ADAM18: variants seen among roughly 807,000 people sequenced by gnomAD.
The protein encoded by ADAM18 is ADAM metallopeptidase domain 18.
ADAM18 carries 117 observed loss-of-function variants against 94.4 expected under a neutral mutation model. The observed-to-expected ratio is 1.24, with a 90% CI of 1.07 to 1.45. The LOEUF (loss-of-function observed/expected upper bound fraction) is 1.45, where lower values mean the gene tolerates loss of function less well. ADAM18 is among the 40% of genes most tolerant of loss of function. ADAM18 has a pLI of 0.00. For synonymous variants in ADAM18, 327 were observed against 291.6 expected (o/e 1.12, Z -1.24); for missense variants, 936 against 880.0 (o/e 1.06, Z -0.81).
chr8:39,686,607 T>C (rs1052609954), intron 16 of ADAM18, among the ~76,000 whole-genome samples: 8 of 152,194 alleles, frequency 5.3e-5, no homozygotes, highest in African/African-American at 1.9e-4. Context: ...GACCACAGCA[T>C]GTTAATATCT....
intron 12 of ADAM18, among the ~76,000 whole-genome samples, chr8:39,650,105 T>G (rs1426263847): frequency 1.3e-5 from 2 of 152,174 alleles, no homozygotes; most frequent in Non-Finnish European, 2.9e-5. Context: ...TTGAACTATA[T>G]GAAAGTTAAA....
intron 2 of ADAM18, among the ~76,000 whole-genome samples, chr8:39,596,263 A>T (rs1818738612): frequency 6.6e-6 from 1 of 152,192 alleles, no homozygotes; most frequent in Non-Finnish European, 1.5e-5. Context: ...ATGTATAATG[A>T]CATGTATCCA....
chr8:39,667,460 A>T lies in ADAM18; in HGVS notation c.1327-538A>T, dbSNP rs577322831. 2.6e-5 allele frequency among the ~76,000 whole-genome samples: 4 copies of T among 151,834 alleles called. No homozygotes were observed. In the East Asian group the frequency reaches 5.8e-4, roughly 22 times the overall value. On this transcript the variant is annotated intron_variant, in intron 13 of 19. Coordinates refer to ENST00000265707, the MANE Select transcript of ADAM18 (RefSeq NM_014237.3). ...GATAGCTATCATATATGCACACTGC[A>T]CTGCTTACTATGTATTGTTCTAAGA...
intron 14 of ADAM18, among the ~76,000 whole-genome samples, chr8:39,669,435 G>A (rs1309040375): frequency 1.3e-5 from 2 of 148,658 alleles, no homozygotes; most frequent in African/African-American, 2.5e-5. Context: ...TTTAGCATTA[G>A]GTATATCTCC....
In ADAM18 at chr8:39,668,083, G is replaced by C; in HGVS notation, c.1412G>C (p.Cys471Ser). 1 of 1,614,062 alleles carries C rather than the reference G, an allele frequency of 6.2e-7. No homozygotes were observed. The highest frequency in any genetic ancestry group is 2.2e-5 in the East Asian group (1 of 44,872). The change falls in exon 14 of 20, where the codon TGT (cysteine) becomes TCT (serine). Residue 471 changes from cysteine (C) to serine (S), a missense_variant. By Grantham distance (112) the Cys-to-Ser change is moderately radical (BLOSUM62 -1). Coordinates refer to ENST00000265707, the MANE Select transcript of ADAM18 (RefSeq NM_014237.3). ...TACTGCAATGGAACCTCTAGTAATT[G>C]TGTTCCTGACACTTATGCATTGAAT... is the stretch of plus-strand genomic sequence containing the variant. ...TEYCNGTSSNCVPDTYALNGR... is the reference protein window; with the variant it reads ...TEYCNGTSSNSVPDTYALNGR...
intron 14 of ADAM18, among the ~76,000 whole-genome samples, chr8:39,668,984 A>G (rs1002827106): frequency 1.3e-5 from 2 of 152,124 alleles, no homozygotes; most frequent in African/African-American, 4.8e-5. Flanking sequence ...CAAAAGCTGC[A>G]GAACTATGAT....
intron 18 of ADAM18, among the ~76,000 whole-genome samples, chr8:39,719,297 A>C (rs983680855): frequency 7.9e-5 from 12 of 151,452 alleles, no homozygotes; most frequent in Admixed American, 5.3e-4. Context: ...AAAAAAGATA[A>C]ACTTAGAGCT....
chr8:39,639,166 A>G (rs1820167364), intron 10 of ADAM18, among the ~76,000 whole-genome samples: 1 of 152,056 alleles, frequency 6.6e-6, no homozygotes, highest in South Asian at 2.1e-4. Context: ...TTATAGCACA[A>G]TTAATTTTTA....
At chr8:39,686,582 G>T (rs1306122127) in intron 16 of ADAM18, among the ~76,000 whole-genome samples, 1 of 152,142 alleles carries the variant, frequency 6.6e-6, no homozygotes, top group African/African-American at 2.4e-5. Context: ...GAATTTTGGG[G>T]AACACAAATA....
At chr8:39,637,166 T>A (rs910897385) in intron 7 of ADAM18, 98 bp from the exon 8 acceptor site, 10 of 906,504 alleles carry the variant, frequency 1.1e-5, no homozygotes, top group African/African-American at 1.7e-5. Flanking sequence ...TTAAAACAGC[T>A]CTAGATTACT....
chr8:39,614,981 G>C (rs1194484833), intron 6 of ADAM18, among the ~76,000 whole-genome samples: 1 of 152,132 alleles, frequency 6.6e-6, no homozygotes, highest in African/African-American at 2.4e-5. Context: ...CCTACAAAGA[G>C]ATGTAGATAA....
chr8:39,669,901 C>T (rs1821106257), intron 14 of ADAM18, among the ~76,000 whole-genome samples: 1 of 152,290 alleles, frequency 6.6e-6, no homozygotes, highest in Admixed American at 6.5e-5. Context: ...CTGACTTCCA[C>T]AATGGTTGAA....
chr8:39,651,368 C>G (rs1820530172), intron 12 of ADAM18, among the ~76,000 whole-genome samples: 1 of 152,178 alleles, frequency 6.6e-6, no homozygotes, highest in Admixed American at 6.5e-5. Context: ...GGGGGACGTT[C>G]AGGTCTTTGC....
intron 16 of ADAM18, among the ~76,000 whole-genome samples, chr8:39,680,432 A>T (rs1288080760): frequency 6.6e-6 from 1 of 152,200 alleles, no homozygotes; most frequent in South Asian, 2.1e-4. Flanking sequence ...ATCAGTCCTT[A>T]TGTTAAAAAA....
intron 7 of ADAM18, among the ~76,000 whole-genome samples, chr8:39,630,517 C>T (rs996287803): frequency 1.1e-4 from 17 of 151,850 alleles, no homozygotes; most frequent in South Asian, 8.3e-4. Context: ...AAATATAATA[C>T]AATCAGGTAG....
rs374455625 is a variant in ADAM18, at chr8:39,703,110, C to T, written c.1903-3680C>T. On this transcript the variant is annotated intron_variant, in intron 17 of 19. Transcript: ENST00000265707. ...TTTCACAATATTGATTCTTCCTATC[C>T]GTGAGCATGGAATGTTTTTCTATTT... Among the ~76,000 whole-genome samples, 12 of 152,254 alleles carry T rather than the reference C, an allele frequency of 7.9e-5. No homozygotes were observed. In the South Asian group the frequency reaches 1.2e-3, roughly 16 times the overall value.
At chr8:39,714,018 T>C (rs1287170284) in intron 18 of ADAM18, among the ~76,000 whole-genome samples, 1 of 152,130 alleles carries the variant, frequency 6.6e-6, no homozygotes, top group Non-Finnish European at 1.5e-5. Context: ...CTATTCACAA[T>C]AGCAAAGACT....
At chr8:39,663,411 A>G (rs150096063) in intron 12 of ADAM18, among the ~76,000 whole-genome samples, 2 of 137,424 alleles carry the variant, frequency 1.5e-5, no homozygotes, top group African/African-American at 5.3e-5. Flanking sequence ...CAAGATAGTG[A>G]CACCTAGTCT....
chr8:39,605,666 A>AAT (rs1247118745), intron 2 of ADAM18: 2 of 203,156 alleles, frequency 9.8e-6, no homozygotes, highest in Non-Finnish European at 2.1e-5. Context: ...TAAAATGCTA[A>AAT]ATATATATAT....
Sources: gnomAD v4.1 joint callset for allele counts (sites outside exome capture counted in the v4.1 genomes callset) on GRCh38, gnomAD v4.1.1 for gene constraint, MANE v1.5 for transcripts, NCBI Gene and HGNC (gene_info 2026-07-23, HGNC 2026-07-21) for gene names.